The following ENPP5 variants were observed in gnomAD, a reference collection of about 807,000 sequenced individuals.
ENPP5 encodes the protein ectonucleotide pyrophosphatase/phosphodiesterase family member 5.
Under a neutral mutation model 33.7 loss-of-function variants are expected in ENPP5, and 27 were observed. The observed-to-expected ratio is 0.80, with a 90% CI of 0.59 to 1.11. The LOEUF (loss-of-function observed/expected upper bound fraction) is 1.11, where lower values mean the gene tolerates loss of function less well. Among genes scored for constraint, ENPP5 ranks in the 50% least tolerant of loss-of-function variants. The pLI, the probability that ENPP5 is intolerant of heterozygous loss-of-function variation, is 0.00. For missense variants in ENPP5, 552 were observed against 579.2 expected (o/e 0.95, Z 0.48); for synonymous variants, 199 against 200.5 (o/e 0.99, Z 0.06).
In ENPP5 at chr6:46,165,545, T is replaced by C. The variant is rs16874326; in HGVS notation, c.848A>G (p.Tyr283Cys). 1.5e-3 allele frequency: 2,351 copies of C among 1,576,184 alleles called. 48 individuals are homozygous for C. The East Asian group carries it at 0.045, about 30-fold the overall frequency. Reference sequence around the variant, plus strand: ...AGGATGAGCGTGAGTTAGTGCTTCATAGACTTCATCAAATTTACCTAAAGA... The same window carrying C: ...AGGATGAGCGTGAGTTAGTGCTTCACAGACTTCATCAAATTTACCTAAAGA... ...LPKEGKFDEV[Y>C]EALTHAHPNL... The change falls in exon 4 of 5, where the codon TAT becomes TGT. Residue 283 changes from tyrosine (Y) to cysteine (C), a missense_variant. Transcript: ENST00000371383.
Position 46,161,706 on chromosome 6 carries a change from A to G in ENPP5, c.1054T>C (p.Phe352Leu). Reference sequence around the variant, plus strand: ...CTGAAGGCAGGACCATGGGCTAAAAATATTGGATGCATATCTGCTAACGCA... The same window carrying G: ...CTGAAGGCAGGACCATGGGCTAAAAGTATTGGATGCATATCTGCTAACGCA... Reference protein sequence around the residue: ...DNALADMHPIFLAHGPAFRKN... With the variant: ...DNALADMHPILLAHGPAFRKN... Residue 352 changes from phenylalanine (F) to leucine (L), a missense_variant, in exon 5 of 5, where the codon TTT (phenylalanine) becomes CTT (leucine). Coordinates refer to ENST00000371383, the MANE Select transcript of ENPP5 (RefSeq NM_001290072.2). 6.2e-7 allele frequency: 1 copy of G among 1,613,372 alleles called. No homozygotes were observed. Among genetic ancestry groups the G allele is most frequent in the Non-Finnish European group, 8.5e-7 (1 of 1,179,954 alleles).
chr6:46,164,666 G>T (rs1308191513), intron 4 of ENPP5, among the ~76,000 whole-genome samples: 1 of 151,478 alleles, frequency 6.6e-6, no homozygotes. Context: ...AGAGCTACCT[G>T]CACAAGACAT....
chr6:46,161,512 G>A lies in ENPP5; in HGVS notation c.1248C>T (p.Leu416=). ...ATTCTGCTGGTTTAACACTACCAGG[G>A]AGGAGTATAGTACTCTGTGTATAAG... ...VVPYTQSTIL[L]PGSVKPAEYD... The change falls in exon 5 of 5, where the codon CTC becomes CTT. Residue 416 remains leucine (L), a synonymous_variant. Coordinates refer to ENST00000371383, the MANE Select transcript of ENPP5 (RefSeq NM_001290072.2). The A allele has an allele frequency of 6.2e-7, 1 of 1,614,052 alleles. No individual in the cohort carries two copies. The highest frequency in any genetic ancestry group is 8.5e-7 in the Non-Finnish European group (1 of 1,179,900).
intron 3 of ENPP5, among the ~76,000 whole-genome samples, chr6:46,166,292 CTT>C (rs1764541899): frequency 6.7e-6 from 1 of 149,740 alleles, no homozygotes; most frequent in Non-Finnish European, 1.5e-5. Context: ...CTCAGTCTCT[CTT>C]TTTCTTTCTT....
chr6:46,165,076 A>G (rs1001744779), intron 4 of ENPP5: 4 of 197,304 alleles, frequency 2.0e-5, no homozygotes, highest in African/African-American at 7.0e-5. Context: ...ATGTATCTGT[A>G]TACATCTGCC....
At position 46,170,909 on chromosome 6, in the gene ENPP5, C is replaced by G. The variant is rs1764719170; in HGVS notation, c.-199G>C. ...GCCGCGGGTAACGGCGGGAGGGTGA[C>G]TGGAGGAACGCCCCCGGAACGCGCA... On this transcript the variant is annotated 5_prime_UTR_variant, in exon 1 of 5. Transcript: ENST00000371383. 6.6e-6 allele frequency: 1 copy of G among 152,274 alleles called. No individual in the cohort carries two copies. The highest frequency in any genetic ancestry group is 6.5e-5 in the Admixed American group (1 of 15,282). The allele number at this position is 152,274 out of a possible 1,614,324, so 9.4% of individuals were successfully genotyped here.
chr6:46,165,321 T>A (rs935913221), intron 4 of ENPP5, 66 bp downstream of exon 4: 54 of 1,190,948 alleles, frequency 4.5e-5, no homozygotes, highest in Non-Finnish European at 6.1e-5. Context: ...CTGTATTATG[T>A]ATTTAAACTG....
intron 2 of ENPP5, among the ~76,000 whole-genome samples, chr6:46,168,927 G>T (rs888013870): frequency 1.3e-5 from 2 of 151,986 alleles, no homozygotes; most frequent in Admixed American, 1.3e-4. Flanking sequence ...AAAGTAATCT[G>T]CATTCATTTA....
In ENPP5 at chr6:46,165,457, T is replaced by C. The variant is rs762217430; in HGVS notation, c.936A>G (p.Arg312=). The C allele has an allele frequency of 2.5e-6, 4 of 1,610,946 alleles. No homozygotes were observed. The highest frequency in any genetic ancestry group is 3.4e-6 in the Non-Finnish European group (4 of 1,179,424). The change falls in exon 4 of 5, where the codon CGA becomes CGG. Residue 312 remains arginine, a synonymous_variant. Transcript: ENST00000371383. ...PERWHYKYNS[R]IQPIIAVADE... ...CAGCCACTGCTATGATTGGTTGAATTCGACTGTTGTATTTGTAATGCCACC... is the reference window on the plus strand; with the variant it reads ...CAGCCACTGCTATGATTGGTTGAATCCGACTGTTGTATTTGTAATGCCACC...
chr6:46,165,265 C>T, intron 4 of ENPP5, 122 bp downstream of exon 4: 1 of 747,586 alleles, frequency 1.3e-6, no homozygotes, highest in Non-Finnish European at 2.0e-6. Context: ...ATTGTAGTTC[C>T]TTAATATTCA....
chr6:46,168,120 G>A lies in ENPP5; in HGVS notation c.143C>T (p.Thr48Met), dbSNP rs374777514. ...TTTCATAATATAATGAAAATGGGGC[G>A]TTGGAACTTTATATAAGTAATCCCA... Reference protein sequence around the residue: ...FRWDYLYKVPTPHFHYIMKYG... With the variant: ...FRWDYLYKVPMPHFHYIMKYG... The change falls in exon 3 of 5, where the codon ACG becomes ATG. Residue 48 changes from threonine to methionine, a missense_variant. Coordinates refer to ENST00000371383, the MANE Select transcript of ENPP5 (RefSeq NM_001290072.2). 2.9e-5 allele frequency: 46 copies of A among 1,613,692 alleles called. No homozygotes were observed. Among genetic ancestry groups the A allele is most frequent in the African/African-American group, 5.3e-5 (4 of 74,902 alleles).
intron 2 of ENPP5, among the ~76,000 whole-genome samples, chr6:46,168,766 T>TATAA (rs1764636309): frequency 6.6e-6 from 1 of 151,510 alleles, no homozygotes; most frequent in Non-Finnish European, 1.5e-5. Context: ...TACATATATA[T>TATAA]TATATATATA....
intron 2 of ENPP5, among the ~76,000 whole-genome samples, chr6:46,169,660 C>T (rs1288891367): frequency 2.0e-5 from 3 of 152,280 alleles, no homozygotes; most frequent in Non-Finnish European, 1.5e-5. Flanking sequence ...CCCCAAAGTG[C>T]TGGGATTACA....
At chr6:46,170,599 G>C (rs1440304713) in intron 1 of ENPP5, among the ~76,000 whole-genome samples, 1 of 151,992 alleles carries the variant, frequency 6.6e-6, no homozygotes, top group East Asian at 1.9e-4. Flanking sequence ...TAGACGTCAA[G>C]GGCGGGGGTG....
chr6:46,163,598 G>A (rs1764453258), intron 4 of ENPP5, among the ~76,000 whole-genome samples: 2 of 151,990 alleles, frequency 1.3e-5, no homozygotes, highest in African/African-American at 4.8e-5. Context: ...AGATCCCTGA[G>A]GAATCGCCAC....
intron 4 of ENPP5, among the ~76,000 whole-genome samples, chr6:46,162,794 T>A (rs957548842): frequency 6.6e-6 from 1 of 152,184 alleles, no homozygotes; most frequent in African/African-American, 2.4e-5. Flanking sequence ...TAAGTAAAAA[T>A]AGCACTGAAA....
chr6:46,163,618 C>A (rs1370115093), intron 4 of ENPP5, among the ~76,000 whole-genome samples: 1 of 151,910 alleles, frequency 6.6e-6, no homozygotes, highest in African/African-American at 2.4e-5. Flanking sequence ...CACTGACTTC[C>A]ACAATGGTTG....
chr6:46,165,088 CTA>C (rs1764503455), intron 4 of ENPP5: 1 of 215,184 alleles, frequency 4.6e-6, no homozygotes, highest in Non-Finnish European at 9.2e-6. Flanking sequence ...ACATCTGCCA[CTA>C]TGAGTCACGA....
chr6:46,161,467 G>C lies in ENPP5; in HGVS notation c.1293C>G (p.Tyr431Ter), dbSNP rs746704534. 34 of 1,613,840 alleles carry C rather than the reference G, an allele frequency of 2.1e-5. No individual in the cohort carries two copies. The highest frequency in any genetic ancestry group is 2.8e-5 in the Non-Finnish European group (33 of 1,179,868). The change falls in exon 5 of 5, where the codon TAC becomes TAG. Residue 431 changes from tyrosine to a stop codon, truncating the protein, a stop_gained. Transcript: ENST00000371383. LOFTEE classifies it high-confidence loss of function. ...CAAGAGAGACCCCTATGAAATAAGG[G>C]TATGACCCCTCTTGGTCATATTCTG... ...KPAEYDQEGS[Y>*]PYFIGVSLGS...
Sources: gnomAD v4.1 joint callset for allele counts (sites outside exome capture counted in the v4.1 genomes callset) on GRCh38, gnomAD v4.1.1 for gene constraint, MANE v1.5 for transcripts, NCBI Gene and HGNC (gene_info 2026-07-23, HGNC 2026-07-21) for gene names.